Variants in LHFPL3 observed in about 807,000 individuals in gnomAD.
The protein encoded by LHFPL3 is LHFPL tetraspan subfamily member 3, also known as LHFPL tetraspan subfamily member 3 protein.
LHFPL3 carries 5 observed loss-of-function variants against 19.3 expected under a neutral mutation model. The observed-to-expected ratio is 0.26, with a 90% CI of 0.14 to 0.54. LHFPL3 has a LOEUF of 0.54. Among genes scored for constraint, LHFPL3 ranks in the 20% least tolerant of loss-of-function variants. The pLI is 0.94. For missense variants in LHFPL3, 249 were observed against 307.4 expected (o/e 0.81, Z 1.42); for synonymous variants, 133 against 126.2 (o/e 1.05, Z -0.36).
intron 1 of LHFPL3, among the ~76,000 whole-genome samples, chr7:104,646,185 C>G (rs995315233): frequency 6.6e-6 from 1 of 152,106 alleles, no homozygotes; most frequent in Admixed American, 6.5e-5. Flanking sequence ...TGATGTGAAG[C>G]CTAAGTACAT....
chr7:104,893,172 C>A (rs1414645002), intron 2 of LHFPL3, among the ~76,000 whole-genome samples: 2 of 151,620 alleles, frequency 1.3e-5, no homozygotes, highest in African/African-American at 4.9e-5. Flanking sequence ...TGTGATCATA[C>A]CACTACACTC....
chr7:104,397,881 A>G (rs545087423), intron 1 of LHFPL3, among the ~76,000 whole-genome samples: 40 of 152,342 alleles, frequency 2.6e-4, no homozygotes, highest in African/African-American at 9.4e-4. Context: ...GCACATGCCA[A>G]GGATCCTATG....
intron 1 of LHFPL3, among the ~76,000 whole-genome samples, chr7:104,732,118 C>G (rs1316388173): frequency 6.6e-6 from 1 of 152,140 alleles, no homozygotes; most frequent in African/African-American, 2.4e-5. Flanking sequence ...CTGCTGGATT[C>G]AGTTTGCCAG....
intron 1 of LHFPL3, among the ~76,000 whole-genome samples, chr7:104,603,066 TTTTCTTTCTTTCTTTCTTTCTTTCTTTC>T (rs373564018): frequency 0.026 from 2,802 of 108,898 alleles, 50 homozygotes; most frequent in African/African-American, 0.049. Flanking sequence ...CTTTCTTTCT[TTTTCTTTCTTTCTTTCTTTCTTTCTTTC>T]TTTCTTTCTT....
At chr7:104,589,528 G>A (rs1198338543) in intron 1 of LHFPL3, among the ~76,000 whole-genome samples, 1 of 152,096 alleles carries the variant, frequency 6.6e-6, no homozygotes, top group East Asian at 1.9e-4. Flanking sequence ...ATTTTTTTTA[G>A]GATTTTTGCA....
intron 1 of LHFPL3, among the ~76,000 whole-genome samples, chr7:104,588,406 T>C (rs1790630484): frequency 6.6e-6 from 1 of 152,240 alleles, no homozygotes; most frequent in African/African-American, 2.4e-5. Context: ...TTGTCAGGTT[T>C]GTCAAAGATC....
chr7:104,649,166 A>G (rs926937772), intron 1 of LHFPL3, among the ~76,000 whole-genome samples: 1 of 152,248 alleles, frequency 6.6e-6, no homozygotes, highest in Non-Finnish European at 1.5e-5. Flanking sequence ...AATTGCATTA[A>G]TTGGAAGAGC....
intron 1 of LHFPL3, among the ~76,000 whole-genome samples, chr7:104,615,775 G>A (rs914673325): frequency 1.3e-5 from 2 of 151,826 alleles, no homozygotes; most frequent in East Asian, 3.9e-4. Context: ...AACATGCGGT[G>A]TTTGGTTTTC....
At chr7:104,694,811 G>A (rs527807181) in intron 1 of LHFPL3, among the ~76,000 whole-genome samples, 1 of 152,362 alleles carries the variant, frequency 6.6e-6, no homozygotes, top group East Asian at 1.9e-4. Context: ...TGGCAGCACA[G>A]CAAGAAGGGT....
chr7:104,383,057 C>A (rs144775443), intron 1 of LHFPL3, among the ~76,000 whole-genome samples: 54 of 152,372 alleles, frequency 3.5e-4, no homozygotes, highest in African/African-American at 1.3e-3. Context: ...TCCAGGTAGT[C>A]TATTTCTACA....
intron 1 of LHFPL3, among the ~76,000 whole-genome samples, chr7:104,438,601 T>C (rs10085883): frequency 0.38 from 57,253 of 152,024 alleles, 12,969 homozygotes; most frequent in African/African-American, 0.62. Flanking sequence ...TTAAGAGAAA[T>C]TTATAGCTTA....
intron 1 of LHFPL3, among the ~76,000 whole-genome samples, chr7:104,400,812 T>G (rs906046532): frequency 2.0e-5 from 3 of 152,204 alleles, no homozygotes; most frequent in Admixed American, 6.5e-5. Context: ...TCCACACTTT[T>G]CATAAGAACT....
intron 1 of LHFPL3, among the ~76,000 whole-genome samples, chr7:104,590,568 G>A (rs181648539): frequency 4.3e-4 from 65 of 152,298 alleles, no homozygotes; most frequent in African/African-American, 1.5e-3. Context: ...GTGATGTGGT[G>A]CTGAGAAGAA....
intron 2 of LHFPL3, among the ~76,000 whole-genome samples, chr7:104,760,991 A>G (rs1004653241): frequency 6.6e-6 from 1 of 152,080 alleles, no homozygotes. Flanking sequence ...ACAAAAGGAC[A>G]GCAGACCCAG....
chr7:104,334,918 A>G (rs1388996787), intron 1 of LHFPL3, among the ~76,000 whole-genome samples: 1 of 152,140 alleles, frequency 6.6e-6, no homozygotes, highest in African/African-American at 2.4e-5. Flanking sequence ...GACTTGTTCT[A>G]GGTTGGATTT....
chr7:104,619,457 A>T (rs1345033998), intron 1 of LHFPL3, among the ~76,000 whole-genome samples: 1 of 151,944 alleles, frequency 6.6e-6, no homozygotes, highest in Non-Finnish European at 1.5e-5. Flanking sequence ...CTTTGCCAGT[A>T]CTCATATTTC....
chr7:104,717,233 A>C (rs1056392405), intron 1 of LHFPL3, among the ~76,000 whole-genome samples: 3 of 152,172 alleles, frequency 2.0e-5, no homozygotes, highest in Admixed American at 6.5e-5. Flanking sequence ...AAAACTTATA[A>C]CATTAGTCTT....
chr7:104,609,233 C>G (rs916329461), intron 1 of LHFPL3, among the ~76,000 whole-genome samples: 4 of 151,788 alleles, frequency 2.6e-5, no homozygotes, highest in Non-Finnish European at 5.9e-5. Flanking sequence ...CCACTACACT[C>G]CAGCCCAGGT....
At chr7:104,906,155 CTT>C (rs1562832046) in intron 2 of LHFPL3, 30 bp from the exon 3 acceptor site, 2 of 1,604,440 alleles carry the variant, frequency 1.2e-6, no homozygotes, top group Non-Finnish European at 1.7e-6. Flanking sequence ...TCCCCCCACC[CTT>C]TTTCTCTCTC....
Sources: allele counts gnomAD v4.1 joint callset (sites outside exome capture counted in the v4.1 genomes callset), GRCh38; gene constraint gnomAD v4.1.1; transcripts MANE v1.5; gene names NCBI Gene and HGNC (gene_info 2026-07-23, HGNC 2026-07-21).